Variants in AUTS2 observed in about 807,000 individuals in gnomAD.
The protein encoded by AUTS2 is activator of transcription and developmental regulator AUTS2.
In AUTS2, 17 loss-of-function variants were observed where a neutral mutation model predicts 112.4. That is an observed-to-expected ratio of 0.15 (90% confidence interval 0.10 to 0.23). The LOEUF (loss-of-function observed/expected upper bound fraction) is 0.23, where lower values mean the gene tolerates loss of function less well. Among genes scored for constraint, AUTS2 ranks in the 10% least tolerant of loss-of-function variants. The pLI, the probability that AUTS2 is intolerant of heterozygous loss-of-function variation, is 1.00. For missense variants in AUTS2, 1,510 were observed against 1,701.6 expected, an observed-to-expected ratio of 0.89 and a Z score of 1.98; for synonymous variants, 751 against 702.7, an observed-to-expected ratio of 1.07 and a Z score of -1.09.
chr7:69,967,713 G>A (rs1797688800), intron 2 of AUTS2, among the ~76,000 whole-genome samples: 1 of 152,014 alleles, frequency 6.6e-6, no homozygotes, highest in African/African-American at 2.4e-5. Context: ...TTTTGTTTTT[G>A]CTCTTTTCAT....
chr7:70,749,058 T>C (rs972912605), intron 6 of AUTS2, among the ~76,000 whole-genome samples: 5 of 152,148 alleles, frequency 3.3e-5, no homozygotes, highest in African/African-American at 1.2e-4. Flanking sequence ...AGCTCCCTGT[T>C]GCTGGCTTTC....
intron 4 of AUTS2, among the ~76,000 whole-genome samples, chr7:70,346,603 T>C (rs775403420): frequency 1.3e-5 from 2 of 152,204 alleles, no homozygotes; most frequent in Non-Finnish European, 2.9e-5. Context: ...TCTGTCTTCC[T>C]GAGCTACCCC....
chr7:70,157,483 T>C (rs1434461798), intron 4 of AUTS2, among the ~76,000 whole-genome samples: 1 of 152,060 alleles, frequency 6.6e-6, no homozygotes, highest in Non-Finnish European at 1.5e-5. Flanking sequence ...TTTGTTTATT[T>C]ATTTATTTTT....
intron 2 of AUTS2, among the ~76,000 whole-genome samples, chr7:70,022,192 T>A (rs1322679731): frequency 1.3e-5 from 2 of 151,342 alleles, no homozygotes; most frequent in Non-Finnish European, 2.9e-5. Context: ...TAAAACTGAA[T>A]GAAAGCCTCA....
intron 1 of AUTS2, among the ~76,000 whole-genome samples, chr7:69,803,726 A>T (rs1790183284): frequency 6.6e-6 from 1 of 152,028 alleles, no homozygotes; most frequent in Admixed American, 6.6e-5. Flanking sequence ...ATTTTTCAGA[A>T]CTCTTTAAAT....
chr7:69,782,366 GT>G (rs35095976), intron 1 of AUTS2, among the ~76,000 whole-genome samples: 21,370 of 137,704 alleles, frequency 0.16, 1,603 homozygotes, highest in Admixed American at 0.24. Context: ...TCTCTCTCTT[GT>G]TTTTTTTTTT....
chr7:70,173,041 T>G (rs1584828760), intron 4 of AUTS2, among the ~76,000 whole-genome samples: 1 of 152,166 alleles, frequency 6.6e-6, no homozygotes, highest in East Asian at 1.9e-4. Context: ...GGGTTTCAAT[T>G]TCTTCCTATT....
chr7:70,741,170 T>A (rs150623999), intron 6 of AUTS2, among the ~76,000 whole-genome samples: 4 of 152,206 alleles, frequency 2.6e-5, no homozygotes, highest in African/African-American at 9.6e-5. Flanking sequence ...ACATTCTTTT[T>A]AAGATAAGGT....
In AUTS2 at chr7:70,364,506, C is replaced by G. The variant is rs374260811; in HGVS notation, c.661-71246C>G. 2.6e-5 allele frequency among the ~76,000 whole-genome samples: 4 copies of G among 151,248 alleles called. No individual in the cohort carries two copies. The East Asian group carries it at 7.8e-4, about 29-fold the overall frequency. On this transcript the variant is annotated intron_variant, in intron 4 of 18. Transcript: ENST00000342771. ...GCTTGAACCTGGGAGGCAGAGGTTG[C>G]GGTGAGCCAGGATCACGCCACTGCA...
intron 2 of AUTS2, among the ~76,000 whole-genome samples, chr7:70,084,565 T>C (rs1057082134): frequency 6.6e-6 from 1 of 152,238 alleles, no homozygotes; most frequent in Non-Finnish European, 1.5e-5. Context: ...CTTTTCCATT[T>C]TGCCATCCTA....
At chr7:70,409,911 G>A (rs1426738436) in intron 4 of AUTS2, among the ~76,000 whole-genome samples, 2 of 152,114 alleles carry the variant, frequency 1.3e-5, no homozygotes, top group Non-Finnish European at 2.9e-5. Flanking sequence ...AAACTCTGAT[G>A]CAGGCAACTC....
chr7:70,757,577 T>G (rs1158109979), intron 6 of AUTS2, among the ~76,000 whole-genome samples: 1 of 152,142 alleles, frequency 6.6e-6, no homozygotes, highest in East Asian at 1.9e-4. Context: ...CCTTTTATTT[T>G]GATGATCCTG....
chr7:69,866,210 C>T (rs1040189905), intron 1 of AUTS2, among the ~76,000 whole-genome samples: 16 of 152,160 alleles, frequency 1.1e-4, no homozygotes, highest in African/African-American at 3.6e-4. Flanking sequence ...CCTTCATTGG[C>T]TCCCCATTGC....
At chr7:70,455,015 C>T (rs539097779) in intron 5 of AUTS2, among the ~76,000 whole-genome samples, 1 of 152,198 alleles carries the variant, frequency 6.6e-6, no homozygotes, top group Non-Finnish European at 1.5e-5. Context: ...CTTGTTGATT[C>T]TTTGCTTCCC....
chr7:70,500,458 A>G (rs941922875), intron 5 of AUTS2, among the ~76,000 whole-genome samples: 1 of 152,242 alleles, frequency 6.6e-6, no homozygotes, highest in Non-Finnish European at 1.5e-5. Flanking sequence ...AGAGGCAAGC[A>G]TAAAAATCAC....
At chr7:69,710,187 T>C (rs1798252326) in intron 1 of AUTS2, among the ~76,000 whole-genome samples, 1 of 152,196 alleles carries the variant, frequency 6.6e-6, no homozygotes. Context: ...TATACTTTAC[T>C]TGTGTGCAGC....
At chr7:70,255,274 A>G (rs2129605133) in intron 4 of AUTS2, among the ~76,000 whole-genome samples, 1 of 151,754 alleles carries the variant, frequency 6.6e-6, no homozygotes, top group East Asian at 1.9e-4. Flanking sequence ...GGGTTTCACC[A>G]TGTTGGTCAG....
intron 4 of AUTS2, among the ~76,000 whole-genome samples, chr7:70,362,649 C>T (rs564956984): frequency 6.5e-4 from 99 of 151,728 alleles, no homozygotes; most frequent in Admixed American, 2.4e-3. Flanking sequence ...CTCCCGTCCT[C>T]TCTTCCTTCC....
At chr7:70,657,281 A>G (rs929752016) in intron 5 of AUTS2, among the ~76,000 whole-genome samples, 1 of 152,208 alleles carries the variant, frequency 6.6e-6, no homozygotes, top group African/African-American at 2.4e-5. Flanking sequence ...AGAAAATTCC[A>G]TCGAGATCAT....
Sources: gnomAD v4.1 joint callset for allele counts (sites outside exome capture counted in the v4.1 genomes callset) on GRCh38, gnomAD v4.1.1 for gene constraint, MANE v1.5 for transcripts, NCBI Gene and HGNC (gene_info 2026-07-23, HGNC 2026-07-21) for gene names.